Variants in KHDRBS2 observed in about 807,000 individuals in gnomAD.
KHDRBS2 encodes the protein KH domain-containing, RNA-binding, signal transduction-associated protein 2.
A neutral mutation model predicts 44.3 loss-of-function variants in KHDRBS2; 26 were observed. That is an observed-to-expected ratio of 0.59 (90% CI 0.43 to 0.81). The LOEUF (loss-of-function observed/expected upper bound fraction) is 0.81. Ranked by LOEUF, KHDRBS2 falls within the 40% of genes least tolerant of loss-of-function variation. KHDRBS2 has a pLI of 0.00. For synonymous variants in KHDRBS2, 194 were observed against 151.1 expected (o/e 1.28, Z -2.08); for missense variants, 476 against 433.1 (o/e 1.10, Z -0.88).
chr6:61,710,186 G>A (rs908399674), intron 7 of KHDRBS2, among the ~76,000 whole-genome samples: 2 of 151,466 alleles, frequency 1.3e-5, no homozygotes, highest in African/African-American at 2.4e-5. Flanking sequence ...GTTTTTCTTT[G>A]TGTAAGAAAA....
At position 61,791,203 on chromosome 6, in the gene KHDRBS2, G is replaced by GT. The variant is rs375957431; in HGVS notation, c.811-58440dup. On this transcript the variant is annotated intron_variant, in intron 6 of 8. Coordinates refer to ENST00000281156, the MANE Select transcript of KHDRBS2 (RefSeq NM_152688.4). ...ATTTAAATGATCAACTTCCGGCTCT[G>GT]TTTTTTTCCCCTGCCTCACTCCGGA... 2.3e-3 allele frequency among the ~76,000 whole-genome samples: 343 copies of GT among 151,126 alleles called. 2 individuals are homozygous for GT. Among genetic ancestry groups the GT allele is most frequent in the African/African-American group, 8.0e-3 (332 of 41,416 alleles).
chr6:61,701,736 C>T (rs1202658201), intron 7 of KHDRBS2, among the ~76,000 whole-genome samples: 2 of 152,016 alleles, frequency 1.3e-5, no homozygotes, highest in South Asian at 4.1e-4. Flanking sequence ...TTTCTAGGTG[C>T]CTTTACCTCT....
At chr6:62,006,117 G>A (rs1265062494) in intron 3 of KHDRBS2, among the ~76,000 whole-genome samples, 4 of 151,870 alleles carry the variant, frequency 2.6e-5, no homozygotes, top group South Asian at 2.1e-4. Context: ...AATAAATCTC[G>A]TGCAGGATAA....
chr6:62,210,200 A>G (rs1424452206), intron 1 of KHDRBS2, among the ~76,000 whole-genome samples: 1 of 152,176 alleles, frequency 6.6e-6, no homozygotes, highest in Non-Finnish European at 1.5e-5. Context: ...AGGTGGAAGA[A>G]TATAAAATAA....
intron 4 of KHDRBS2, among the ~76,000 whole-genome samples, chr6:61,916,176 C>T (rs1292018179): frequency 6.6e-6 from 1 of 151,982 alleles, no homozygotes. Flanking sequence ...TATGGCCTTG[C>T]TCTGAAAAGC....
chr6:61,563,686 T>C, the KHDRBS2 span, among the ~76,000 whole-genome samples: 1 of 152,216 alleles, frequency 6.6e-6, no homozygotes, highest in Admixed American at 6.5e-5. Context: ...GCATCCTTTT[T>C]ATCAGTCCTG....
chr6:61,816,697 T>C (rs1789005284), intron 6 of KHDRBS2: 1 of 412,896 alleles, frequency 2.4e-6, no homozygotes, highest in Non-Finnish European at 4.9e-6. Flanking sequence ...AAAGACAGAC[T>C]CATTTATTCT....
intron 1 of KHDRBS2, among the ~76,000 whole-genome samples, chr6:62,219,574 T>C (rs537234527): frequency 4.0e-5 from 6 of 151,366 alleles, no homozygotes; most frequent in Non-Finnish European, 7.4e-5. Flanking sequence ...AGATGCATAT[T>C]AGAAGAAAAT....
chr6:61,959,206 G>A (rs1768090427), intron 4 of KHDRBS2, among the ~76,000 whole-genome samples: 2 of 152,136 alleles, frequency 1.3e-5, no homozygotes, highest in South Asian at 4.1e-4. Flanking sequence ...GTTAAGAATA[G>A]AAAATATTGA....
chr6:61,715,533 G>A (rs1771254297), intron 7 of KHDRBS2, among the ~76,000 whole-genome samples: 1 of 151,878 alleles, frequency 6.6e-6, no homozygotes, highest in South Asian at 2.1e-4. Flanking sequence ...TGAGGTCCTT[G>A]CCTAAGTTTC....
At chr6:62,015,963 T>C (rs764402478) in intron 3 of KHDRBS2, among the ~76,000 whole-genome samples, 122 of 152,190 alleles carry the variant, frequency 8.0e-4, no homozygotes, top group Non-Finnish European at 3.5e-4. Flanking sequence ...TTTATACTTA[T>C]AGTCATTAGC....
chr6:61,947,177 C>T (rs1396149044), intron 4 of KHDRBS2, among the ~76,000 whole-genome samples: 1 of 152,154 alleles, frequency 6.6e-6, no homozygotes, highest in African/African-American at 2.4e-5. Flanking sequence ...CCATTTCCTA[C>T]CAGTAACCAC....
chr6:61,959,936 G>A (rs1428652150), intron 4 of KHDRBS2, among the ~76,000 whole-genome samples: 11 of 152,060 alleles, frequency 7.2e-5, no homozygotes, highest in Non-Finnish European at 1.5e-4. Context: ...CGGACTCAAG[G>A]CTTGGTTCTG....
chr6:62,241,611 A>C (rs1043381960), intron 1 of KHDRBS2, among the ~76,000 whole-genome samples: 3 of 152,156 alleles, frequency 2.0e-5, no homozygotes, highest in African/African-American at 7.2e-5. Context: ...GTTCAGGTCT[A>C]GACCCAGATG....
chr6:62,152,898 A>G (rs1401693880), intron 2 of KHDRBS2, among the ~76,000 whole-genome samples: 1 of 152,222 alleles, frequency 6.6e-6, no homozygotes, highest in Non-Finnish European at 1.5e-5. Context: ...TGAGCCTGTT[A>G]CAGGCTCTTC....
chr6:61,634,590 C>T, the KHDRBS2 span, among the ~76,000 whole-genome samples: 1 of 151,994 alleles, frequency 6.6e-6, no homozygotes, highest in Non-Finnish European at 1.5e-5. Flanking sequence ...TGATCTGTAA[C>T]TATTAGCTAA....
the KHDRBS2 span, among the ~76,000 whole-genome samples, chr6:61,560,399 C>A: frequency 6.6e-6 from 1 of 152,078 alleles, no homozygotes; most frequent in Non-Finnish European, 1.5e-5. Flanking sequence ...AAACTTCCTA[C>A]CCCTATCTCC....
At chr6:61,957,840 A>G (rs1477229859) in intron 4 of KHDRBS2, among the ~76,000 whole-genome samples, 1 of 152,092 alleles carries the variant, frequency 6.6e-6, no homozygotes, top group Non-Finnish European at 1.5e-5. Flanking sequence ...AAAATCACTA[A>G]TAAAAACTTG....
At chr6:61,564,801 G>A in the KHDRBS2 span, among the ~76,000 whole-genome samples, 5 of 151,834 alleles carry the variant, frequency 3.3e-5, no homozygotes, top group Admixed American at 3.3e-4. Flanking sequence ...TAAATATTAT[G>A]TAGACAAAAA....
Sources: allele counts gnomAD v4.1 joint callset (sites outside exome capture counted in the v4.1 genomes callset), GRCh38; gene constraint gnomAD v4.1.1; transcripts MANE v1.5; gene names NCBI Gene and HGNC (gene_info 2026-07-23, HGNC 2026-07-21).